The following UTRN variants were observed in gnomAD, a reference collection of about 807,000 sequenced individuals.
UTRN encodes the protein dystrophin-related protein 1.
A neutral mutation model predicts 463.9 loss-of-function variants in UTRN; 283 were observed. That is an observed-to-expected ratio of 0.61 (90% CI 0.55 to 0.67). UTRN has a LOEUF of 0.67. Ranked by LOEUF, UTRN falls within the 30% of genes least tolerant of loss-of-function variation. The pLI is 0.00. For synonymous variants in UTRN, 1,442 were observed against 1,431.5 expected (o/e 1.01, Z -0.17); for missense variants, 3,922 against 4,084.3 (o/e 0.96, Z 1.08).
At chr6:144,569,937 G>A (rs1800784324) in intron 50 of UTRN, among the ~76,000 whole-genome samples, 2 of 152,246 alleles carry the variant, frequency 1.3e-5, no homozygotes, top group South Asian at 4.2e-4. Flanking sequence ...GAAAAGAAGA[G>A]GAACCAGATT....
intron 51 of UTRN, among the ~76,000 whole-genome samples, chr6:144,653,971 G>A (rs1047189758): frequency 6.6e-5 from 10 of 152,180 alleles, no homozygotes; most frequent in East Asian, 1.9e-4. Flanking sequence ...TGTGTTCACC[G>A]TCTATGTAGA....
intron 46 of UTRN, among the ~76,000 whole-genome samples, chr6:144,546,122 A>T (rs1224238461): frequency 6.6e-6 from 1 of 152,228 alleles, no homozygotes; most frequent in Non-Finnish European, 1.5e-5. Flanking sequence ...AGTTAAAGTG[A>T]AGATGGGGCA....
intron 54 of UTRN, among the ~76,000 whole-genome samples, chr6:144,732,708 G>A (rs1788865512): frequency 6.7e-6 from 1 of 150,324 alleles, no homozygotes. Context: ...GTTATGTTAT[G>A]TTATGTTATG....
At chr6:144,378,220 A>T (rs146232498) in intron 2 of UTRN, among the ~76,000 whole-genome samples, 78 of 152,324 alleles carry the variant, frequency 5.1e-4, no homozygotes, top group African/African-American at 1.8e-3. Context: ...TAACAGATTC[A>T]TGTTCTTTCT....
intron 34 of UTRN, among the ~76,000 whole-genome samples, chr6:144,500,302 GCTATT>G (rs1477099550): frequency 1.8e-4 from 27 of 152,184 alleles, no homozygotes; most frequent in African/African-American, 6.0e-4. Flanking sequence ...TTTAATAATA[GCTATT>G]CTAAATGGTG....
At chr6:144,737,096 T>C (rs1789500891) in intron 54 of UTRN, among the ~76,000 whole-genome samples, 1 of 152,128 alleles carries the variant, frequency 6.6e-6, no homozygotes, top group Non-Finnish European at 1.5e-5. Context: ...CCTCTTTTTT[T>C]AGTGATTACC....
chr6:144,704,747 A>G (rs1784910819), intron 53 of UTRN, among the ~76,000 whole-genome samples: 1 of 152,152 alleles, frequency 6.6e-6, no homozygotes, highest in Non-Finnish European at 1.5e-5. Context: ...GCGGATCATG[A>G]GGTCAAGAGA....
At chr6:144,397,086 A>G (rs1467351603) in intron 2 of UTRN, among the ~76,000 whole-genome samples, 1 of 152,146 alleles carries the variant, frequency 6.6e-6, no homozygotes, top group Non-Finnish European at 1.5e-5. Flanking sequence ...TCTACTAAAA[A>G]TACAAAAATT....
intron 51 of UTRN, among the ~76,000 whole-genome samples, chr6:144,626,651 T>C (rs1775971816): frequency 6.6e-6 from 1 of 152,128 alleles, no homozygotes; most frequent in African/African-American, 2.4e-5. Flanking sequence ...TTTTCTTTTT[T>C]CTTTTGAGAC....
At chr6:144,511,738 A>C (rs1323111938) in intron 35 of UTRN, among the ~76,000 whole-genome samples, 1 of 152,196 alleles carries the variant, frequency 6.6e-6, no homozygotes, top group Non-Finnish European at 1.5e-5. Flanking sequence ...TATATGTGTT[A>C]GTCTTTGGTT....
intron 61 of UTRN, 81 bp from the exon 62 acceptor site, chr6:144,789,113 G>T (rs1336344745): frequency 8.7e-7 from 1 of 1,154,822 alleles, no homozygotes; most frequent in South Asian, 1.5e-5. Flanking sequence ...TTACCCCCAA[G>T]AAAATAGATA....
At chr6:144,539,091 A>C (rs967587316) in intron 44 of UTRN, among the ~76,000 whole-genome samples, 1 of 152,228 alleles carries the variant, frequency 6.6e-6, no homozygotes, top group Non-Finnish European at 1.5e-5. Context: ...CAGGAGTGCA[A>C]AAATACACAC....
intron 71 of UTRN, among the ~76,000 whole-genome samples, chr6:144,838,566 A>G (rs73007425): frequency 0.13 from 19,664 of 152,242 alleles, 1,428 homozygotes; most frequent in African/African-American, 0.19. Flanking sequence ...CGAAGTATTT[A>G]CTAAGTGTCA....
At chr6:144,432,542 CTG>C (rs1439936846) in intron 9 of UTRN, among the ~76,000 whole-genome samples, 2 of 152,058 alleles carry the variant, frequency 1.3e-5, no homozygotes, top group East Asian at 3.9e-4. Flanking sequence ...GAGAAATGGA[CTG>C]TGGATTGTGA....
chr6:144,406,773 T>A (rs1307717952), intron 3 of UTRN, among the ~76,000 whole-genome samples: 6 of 152,316 alleles, frequency 3.9e-5, no homozygotes, highest in South Asian at 2.1e-4. Context: ...TTCCTTTTTT[T>A]AAAAAACACA....
intron 19 of UTRN, among the ~76,000 whole-genome samples, chr6:144,457,874 T>G (rs1481840380): frequency 6.6e-6 from 1 of 152,194 alleles, no homozygotes. Flanking sequence ...GCTTTCCTAC[T>G]CAATAAAAAT....
chr6:144,425,184 T>C (rs1037391991), intron 6 of UTRN, among the ~76,000 whole-genome samples: 4 of 152,234 alleles, frequency 2.6e-5, no homozygotes, highest in African/African-American at 9.6e-5. Flanking sequence ...TTTTGTAGAA[T>C]GTCTCTCTCA....
At chr6:144,615,717 C>T (rs7747169) in intron 51 of UTRN, among the ~76,000 whole-genome samples, 2,373 of 152,158 alleles carry the variant, frequency 0.016, 63 homozygotes, top group African/African-American at 0.054. Context: ...CCATTTTATC[C>T]AGACAAATGG....
intron 22 of UTRN, among the ~76,000 whole-genome samples, chr6:144,462,452 T>G (rs1316398805): frequency 2.0e-5 from 3 of 152,166 alleles, no homozygotes; most frequent in Non-Finnish European, 4.4e-5. Flanking sequence ...CAAATGGCAT[T>G]TCTGGTTTTA....
Sources: gnomAD v4.1 joint callset for allele counts (sites outside exome capture counted in the v4.1 genomes callset) on GRCh38, gnomAD v4.1.1 for gene constraint, MANE v1.5 for transcripts, NCBI Gene and HGNC (gene_info 2026-07-23, HGNC 2026-07-21) for gene names.